EXOC6B: variants seen among roughly 807,000 people sequenced by gnomAD.
EXOC6B encodes exocyst complex component 6B.
EXOC6B carries 54 observed loss-of-function variants against 113.5 expected under a neutral mutation model. The ratio of observed to expected loss-of-function variants is 0.48; its 90% CI spans 0.38 to 0.60. EXOC6B has a LOEUF of 0.60. EXOC6B is among the 20% of genes least tolerant of loss of function. The probability of loss-of-function intolerance (pLI) is 0.00; values close to 1 mark genes in which losing one functional copy is unlikely to be tolerated. For synonymous variants in EXOC6B, 357 were observed against 339.0 expected (o/e 1.05, Z -0.58); for missense variants, 797 against 977.5 (o/e 0.82, Z 2.46).
chr2:72,697,413 T>C (rs1677972633), intron 6 of EXOC6B, among the ~76,000 whole-genome samples: 1 of 152,074 alleles, frequency 6.6e-6, no homozygotes, highest in African/African-American at 2.4e-5. Flanking sequence ...AGGTTTGGCA[T>C]GGTGGATCCT....
At chr2:72,792,651 A>C (rs1443162761) in intron 1 of EXOC6B, among the ~76,000 whole-genome samples, 2 of 152,166 alleles carry the variant, frequency 1.3e-5, no homozygotes, top group African/African-American at 4.8e-5. Context: ...CAATCCTTAC[A>C]ACTTTCACTA....
intron 19 of EXOC6B, among the ~76,000 whole-genome samples, chr2:72,360,785 C>T (rs1690262907): frequency 6.6e-6 from 1 of 151,984 alleles, no homozygotes; most frequent in Non-Finnish European, 1.5e-5. Flanking sequence ...TTCATAATCC[C>T]ATCATATTTT....
Position 72,825,714 on chromosome 2 carries a change from G to C in EXOC6B, c.113+84C>G. The C allele has an allele frequency of 7.1e-7, 1 of 1,416,568 alleles. No individual in the cohort carries two copies. Among genetic ancestry groups the C allele is most frequent in the Admixed American group, 2.5e-5 (1 of 40,240 alleles). The allele number at this position is 1,416,568 out of a possible 1,614,324, so 87.7% of individuals were successfully genotyped here. On this transcript the variant is annotated intron_variant, in intron 1 of 21. Transcript: ENST00000272427. This position sits in a 1 kb window ranked among gnomAD's most constrained non-coding sequence, Gnocchi z 4.4. ...GGGAGGGGCCGGCGCCGGACCTGGGGACAGCCGGCCGGAGGCCCGACCCAG... is the reference window on the plus strand; with the variant it reads ...GGGAGGGGCCGGCGCCGGACCTGGGCACAGCCGGCCGGAGGCCCGACCCAG...
At chr2:72,466,356 A>G (rs113293618) in intron 17 of EXOC6B, among the ~76,000 whole-genome samples, 23 of 151,546 alleles carry the variant, frequency 1.5e-4, no homozygotes, top group South Asian at 8.3e-4. Flanking sequence ...AAAAAAAAAA[A>G]AAAAGAAAAG....
intron 1 of EXOC6B, among the ~76,000 whole-genome samples, chr2:72,816,052 G>A (rs903985801): frequency 6.6e-6 from 1 of 152,102 alleles, no homozygotes; most frequent in African/African-American, 2.4e-5. Context: ...CCAGCTACTC[G>A]CCAGGGTGAG....
intron 20 of EXOC6B, among the ~76,000 whole-genome samples, chr2:72,210,380 C>T (rs957760454): frequency 6.6e-6 from 1 of 152,112 alleles, no homozygotes; most frequent in Non-Finnish European, 1.5e-5. Context: ...AAAATGAACA[C>T]GTCAATGTGA....
At chr2:72,402,779 T>C (rs768533504) in intron 18 of EXOC6B, among the ~76,000 whole-genome samples, 5 of 152,220 alleles carry the variant, frequency 3.3e-5, no homozygotes, top group African/African-American at 7.2e-5. Flanking sequence ...CCCCTTTCAA[T>C]GGGGTTTGCT....
chr2:72,227,764 ATAACT>A (rs1396063412), intron 20 of EXOC6B, among the ~76,000 whole-genome samples: 1 of 152,182 alleles, frequency 6.6e-6, no homozygotes. Flanking sequence ...TTATAAATAA[ATAACT>A]TAAATCTATA....
intron 20 of EXOC6B, among the ~76,000 whole-genome samples, chr2:72,307,164 T>TTTGTTTTTTTTTTTTTTTTG (rs1686921425): frequency 6.7e-6 from 1 of 148,624 alleles, no homozygotes; most frequent in African/African-American, 2.6e-5. Context: ...TAGTCCAGTT[T>TTTGTTTTTTTTTTTTTTTTG]TTTTTTTTTT....
rs571157858 is a variant in EXOC6B at position 72,773,000 on chromosome 2, A to G, written c.114-31531T>C. Among the ~76,000 whole-genome samples the G allele has an allele frequency of 2.6e-5, 4 of 152,284 alleles. 1 individual carries two copies. In the East Asian group the frequency reaches 7.7e-4, roughly 29 times the overall value. On this transcript the variant is annotated intron_variant, in intron 1 of 21. Transcript: ENST00000272427. Reference sequence around the variant, plus strand: ...CAAAATAATCATCCAAAAGAAATGTAGAGAGCTACAAAAGAACCACAGAGA... The same window carrying G: ...CAAAATAATCATCCAAAAGAAATGTGGAGAGCTACAAAAGAACCACAGAGA...
At position 72,680,448 on chromosome 2, in the gene EXOC6B, A is replaced by G. The variant is rs192075919; in HGVS notation, c.669+37655T>C. Among the ~76,000 whole-genome samples the G allele has an allele frequency of 4.0e-3, 603 of 152,328 alleles. 18 individuals carry two copies. The highest frequency in any genetic ancestry group is 0.036 in the Admixed American group (548 of 15,292). On this transcript the variant is annotated intron_variant, in intron 6 of 21. Coordinates refer to ENST00000272427, the MANE Select transcript of EXOC6B (RefSeq NM_015189.3). Reference sequence around the variant, plus strand: ...CAACAGCACCTAACAGATAAGAAGCATTTTGATCTGGCCTGGCTCAGTGGC... The same window carrying G: ...CAACAGCACCTAACAGATAAGAAGCGTTTTGATCTGGCCTGGCTCAGTGGC...
chr2:72,261,783 A>G (rs62147629), intron 20 of EXOC6B, among the ~76,000 whole-genome samples: 18,207 of 152,222 alleles, frequency 0.12, 1,347 homozygotes, highest in Admixed American at 0.16. Context: ...TTAGGCTAAA[A>G]TATCCCAAGT....
At position 72,177,869 on chromosome 2, in the gene EXOC6B, A is replaced by G. The variant is rs1392803847; in HGVS notation, c.*1466T>C. 6.6e-6 allele frequency: 1 copy of G among 151,730 alleles called. No individual in the cohort carries two copies. Among genetic ancestry groups the G allele is most frequent in the Non-Finnish European group, 1.5e-5 (1 of 67,956 alleles). 9.4% of individuals were successfully genotyped at this position (151,730 alleles called of 1,614,324 possible). On this transcript the variant is annotated 3_prime_UTR_variant, in exon 22 of 22. Transcript: ENST00000272427. ...TCATTGTTTGGTGATGCACAATTATACTCTTGCCACTAGCCATCTTTCTGC... is the reference window on the plus strand; with the variant it reads ...TCATTGTTTGGTGATGCACAATTATGCTCTTGCCACTAGCCATCTTTCTGC...
At position 72,496,531 on chromosome 2, in the gene EXOC6B, G is replaced by T; in HGVS notation, c.1366C>A (p.Pro456Thr). The T allele has an allele frequency of 6.3e-7, 1 of 1,592,974 alleles. No homozygotes were observed. Among genetic ancestry groups the T allele is most frequent in the Non-Finnish European group, 8.6e-7 (1 of 1,166,978 alleles). ...ATCTCTTCACTTGTTACTGGTATAG[G>T]ACTGTAGTTGTCAGAATCAAGTATG... ...RNILDSDNYS[P>T]IPVTSEEMYK... Residue 456 changes from proline to threonine, a missense_variant, in exon 14 of 22, where the codon CCT becomes ACT. Pro to Thr is a conservative substitution (Grantham distance 38). Coordinates refer to ENST00000272427, the MANE Select transcript of EXOC6B (RefSeq NM_015189.3).
chr2:72,754,020 A>G (rs1249123131), intron 1 of EXOC6B, among the ~76,000 whole-genome samples: 11 of 152,072 alleles, frequency 7.2e-5, no homozygotes, highest in Non-Finnish European at 1.5e-4. Flanking sequence ...CAGCCTCCTG[A>G]GTAGCTGGGA....
chr2:72,622,648 T>C (rs1433614036), intron 6 of EXOC6B, among the ~76,000 whole-genome samples: 2 of 152,026 alleles, frequency 1.3e-5, no homozygotes, highest in Non-Finnish European at 2.9e-5. Context: ...AGGCAGAGGT[T>C]GCAGTGAGCT....
At chr2:72,648,755 T>C (rs1315565757) in intron 6 of EXOC6B, among the ~76,000 whole-genome samples, 2 of 152,178 alleles carry the variant, frequency 1.3e-5, no homozygotes, top group African/African-American at 4.8e-5. Flanking sequence ...ATTTACAACA[T>C]GGATGGAACC....
At chr2:72,671,276 T>A (rs748091710) in intron 6 of EXOC6B, among the ~76,000 whole-genome samples, 9 of 152,158 alleles carry the variant, frequency 5.9e-5, no homozygotes, top group Non-Finnish European at 1.2e-4. Flanking sequence ...GACAAGGGAC[T>A]AATAACCAGA....
chr2:72,207,753 C>T (rs1679924412), intron 20 of EXOC6B, among the ~76,000 whole-genome samples: 1 of 152,140 alleles, frequency 6.6e-6, no homozygotes, highest in Non-Finnish European at 1.5e-5. Context: ...GGGACTATCT[C>T]ACTAAACAAC....
Sources: gnomAD v4.1 joint callset for allele counts (sites outside exome capture counted in the v4.1 genomes callset) on GRCh38, gnomAD v4.1.1 for gene constraint, Gnocchi (gnomAD v3.1) non-coding constraint, MANE v1.5 for transcripts, NCBI Gene and HGNC (gene_info 2026-07-23, HGNC 2026-07-21) for gene names.